ASTL: variants seen among roughly 807,000 people sequenced by gnomAD.
The protein encoded by ASTL is astacin like metalloendopeptidase, also known as astacin-like metalloendopeptidase.
ASTL carries 27 observed loss-of-function variants against 36.7 expected under a neutral mutation model. That is an observed-to-expected ratio of 0.73 (90% CI 0.54 to 1.01). ASTL has a LOEUF of 1.01. Ranked by LOEUF, ASTL falls within the 50% of genes least tolerant of loss-of-function variation. The pLI is 0.00. For missense variants in ASTL, 524 were observed against 572.8 expected (o/e 0.91, Z 0.87); for synonymous variants, 222 against 228.1 (o/e 0.97, Z 0.24).
rs145550482 is a variant in ASTL, at chr2:96,129,832, C to T, written c.866G>A (p.Arg289His). 4.3e-5 allele frequency: 66 copies of T among 1,551,288 alleles called. No homozygotes were observed. The highest frequency in any genetic ancestry group is 5.2e-5 in the Non-Finnish European group (60 of 1,146,190). ...YGCSPSGPRP[R>H]GRGSHAHSTG... is the part of the protein sequence containing the mutation. ...CCTGCCATGCCACTCACCTCTCCCA[C>T]GGGGCCTGGGGCCACTTGGGCTGCA... Residue 289 changes from arginine (R) to histidine (H), a missense_variant, in exon 8 of 9, where the codon CGT (arginine) becomes CAT (histidine). By Grantham distance (29) the Arg-to-His change is conservative. Coordinates refer to ENST00000342380, the MANE Select transcript of ASTL (RefSeq NM_001002036.4).
intron 6 of ASTL, 70 bp from the exon 7 acceptor site, chr2:96,130,215 T>C (rs533312609): frequency 1.6e-6 from 2 of 1,216,682 alleles, no homozygotes; most frequent in Admixed American, 1.7e-5. Flanking sequence ...AGGCAATGGC[T>C]GGGAGAGTCT....
chr2:96,138,416 G>A lies in ASTL; in HGVS notation c.21C>T (p.Leu7=). MEGVGG[L]WPWVLGLLSL... ...AGAGCAGACCCAGCACCCAAGGCCA[G>A]AGACCCCCTACACCCTCCATGGTAG... The change falls in exon 1 of 9, where the codon CTC becomes CTT. Residue 7 remains leucine (L), a synonymous_variant. Transcript: ENST00000342380. 1.2e-6 allele frequency: 2 copies of A among 1,610,962 alleles called. No individual in the cohort carries two copies. The highest frequency in any genetic ancestry group is 1.7e-6 in the Non-Finnish European group (2 of 1,178,666).
intron 8 of ASTL, among the ~76,000 whole-genome samples, chr2:96,126,212 A>C (rs1682060589): frequency 6.6e-6 from 1 of 152,254 alleles, no homozygotes; most frequent in Non-Finnish European, 1.5e-5. Flanking sequence ...GGACATTATT[A>C]AAAAGTGGGA....
chr2:96,124,166 C>G lies in ASTL; in HGVS notation c.980G>C (p.Gly327Ala). 1 of 1,549,198 alleles carries G rather than the reference C, an allele frequency of 6.5e-7. No homozygotes were observed. Among genetic ancestry groups the G allele is most frequent in the Middle Eastern group, 1.8e-4 (1 of 5,712 alleles). ...AACGGGCTGGCCTCCCGCACTGGAACCACTGGGGTCGGGGCTCCTGGATTC... is the reference window on the plus strand; with the variant it reads ...AACGGGCTGGCCTCCCGCACTGGAAGCACTGGGGTCGGGGCTCCTGGATTC... ...SAESRSPDPSGSSAGGQPVPA... is the reference protein window; with the variant it reads ...SAESRSPDPSASSAGGQPVPA... The change falls in exon 9 of 9, where the codon GGT becomes GCT. Residue 327 changes from glycine (G) to alanine (A), a missense_variant. Physicochemically the swap from Gly to Ala is moderately conservative, Grantham distance 60. Coordinates refer to ENST00000342380, the MANE Select transcript of ASTL (RefSeq NM_001002036.4). This position sits in a 1 kb window ranked among gnomAD's most constrained non-coding sequence, Gnocchi z 4.1.
intron 8 of ASTL, among the ~76,000 whole-genome samples, chr2:96,127,175 A>G (rs10205464): frequency 0.046 from 7,070 of 152,324 alleles, 544 homozygotes; most frequent in African/African-American, 0.16. Flanking sequence ...GGAAATGTCT[A>G]GGCAAATCCG....
intron 8 of ASTL, among the ~76,000 whole-genome samples, chr2:96,125,071 G>A (rs779785278): frequency 6.6e-6 from 1 of 152,152 alleles, no homozygotes; most frequent in Non-Finnish European, 1.5e-5. Flanking sequence ...GAGGTAGCGC[G>A]GCTCTGCAGA....
At position 96,124,633 on chromosome 2, in the gene ASTL, G is replaced by A. The variant is rs141559440; in HGVS notation, c.875-362C>T. Among the ~76,000 whole-genome samples the A allele has an allele frequency of 3.0e-4, 45 of 152,140 alleles. No homozygotes were observed. Among genetic ancestry groups the A allele is most frequent in the Middle Eastern group, 3.4e-3 (1 of 294 alleles). On this transcript the variant is annotated intron_variant, in intron 8 of 8. Transcript: ENST00000342380. The surrounding 1 kb of genome is among the most constrained non-coding windows in gnomAD (Gnocchi z 4.1). ...ATGGCCATACCCTACCACTTGCCCC[G>A]AACCCAAGACCTCCCCTAGAACTGT...
chr2:96,124,220 A>C lies in ASTL; in HGVS notation c.926T>G (p.Leu309Arg). 1.3e-6 allele frequency: 2 copies of C among 1,518,626 alleles called. No individual in the cohort carries two copies. Among genetic ancestry groups the C allele is most frequent in the South Asian group, 2.7e-5 (2 of 75,186 alleles). 94.1% of individuals were successfully genotyped at this position (1,518,626 alleles called of 1,614,324 possible). Residue 309 changes from leucine to arginine, a missense_variant, in exon 9 of 9, where the codon CTG (leucine) becomes CGG (arginine). By Grantham distance (102) the Leu-to-Arg change is moderately radical. Coordinates refer to ENST00000342380, the MANE Select transcript of ASTL (RefSeq NM_001002036.4). This position sits in a 1 kb window ranked among gnomAD's most constrained non-coding sequence, Gnocchi z 4.1. ...CGACAGTGCCTCCAAAAGCCGCTGC[A>C]GAGATAGGGAGGCCGGAGCGGGGCT... ...GRSPAPASLS[L>R]QRLLEALSAE...
intron 5 of ASTL, among the ~76,000 whole-genome samples, 186 bp downstream of exon 5, chr2:96,133,239 C>T (rs1414618331): frequency 1.3e-5 from 2 of 152,110 alleles, no homozygotes; most frequent in African/African-American, 4.8e-5. Flanking sequence ...GGGTCTAGCA[C>T]CGTTCCCATC....
intron 2 of ASTL, among the ~76,000 whole-genome samples, chr2:96,135,902 T>C (rs904446675): frequency 8.5e-5 from 13 of 152,212 alleles, no homozygotes; most frequent in Non-Finnish European, 2.9e-5. Context: ...TCTTCCAGCC[T>C]GAGCCACACT....
At chr2:96,130,442 TCTGCATAAGCCACAG>T (rs1682152169) in intron 6 of ASTL, among the ~76,000 whole-genome samples, 1 of 152,198 alleles carries the variant, frequency 6.6e-6, no homozygotes, top group Non-Finnish European at 1.5e-5. Context: ...GGGGCTGGTC[TCTGCATAAGCCACAG>T]CTGCCACGGG....
intron 3 of ASTL, among the ~76,000 whole-genome samples, 154 bp from the exon 4 acceptor site, chr2:96,134,212 C>T (rs1266562488): frequency 6.6e-6 from 1 of 152,196 alleles, no homozygotes; most frequent in East Asian, 1.9e-4. Context: ...TGGGACAGAG[C>T]TGTGGAAGGC....
chr2:96,132,671 G>T lies in ASTL; in HGVS notation c.506C>A (p.Ala169Glu), dbSNP rs138165928. 17 of 1,613,026 alleles carry T rather than the reference G, an allele frequency of 1.1e-5. No homozygotes were observed. Among genetic ancestry groups the T allele is most frequent in the Non-Finnish European group, 1.3e-5 (15 of 1,179,486 alleles). ...CCGGCCCTTCTGGAGACACGTGGGC[G>T]CCAGGGAGACCACCTGCATCCCTCC... ...RSGGMQVVSL[A>E]PTCLQKGRGI... Residue 169 changes from alanine to glutamate, a missense_variant, in exon 6 of 9, where the codon GCG becomes GAG. By Grantham distance (107) the Ala-to-Glu change is moderately radical. Coordinates refer to ENST00000342380, the MANE Select transcript of ASTL (RefSeq NM_001002036.4). This position sits in a 1 kb window ranked among gnomAD's most constrained non-coding sequence, Gnocchi z 5.4.
At position 96,129,900 on chromosome 2, in the gene ASTL, G is replaced by A; in HGVS notation, c.798C>T (p.Asn266=). Residue 266 remains asparagine (N), a synonymous_variant, in exon 8 of 9, where the codon AAC becomes AAT. Transcript: ENST00000342380. Reference sequence around the variant, plus strand: ...CCCGGGTGATGTCCGAGGCACTCAGGTTCCATCGCTGGCCGATGTGGACAC... The same window carrying A: ...CCCGGGTGATGTCCGAGGCACTCAGATTCCATCGCTGGCCGATGTGGACAC... ...APSVHIGQRW[N]LSASDITRVL... is the part of the protein sequence containing the mutation. The A allele has an allele frequency of 6.2e-7, 1 of 1,606,008 alleles. No homozygotes were observed. Among genetic ancestry groups the A allele is most frequent in the Middle Eastern group, 1.9e-4 (1 of 5,370 alleles).
At chr2:96,125,814 C>T (rs1682052193) in intron 8 of ASTL, among the ~76,000 whole-genome samples, 1 of 152,170 alleles carries the variant, frequency 6.6e-6, no homozygotes, top group Non-Finnish European at 1.5e-5. Context: ...TGGTGGTGCT[C>T]ACCTCTAATC....
At chr2:96,136,600 G>A (rs1284135513) in intron 2 of ASTL, among the ~76,000 whole-genome samples, 2 of 152,202 alleles carry the variant, frequency 1.3e-5, no homozygotes, top group Non-Finnish European at 2.9e-5. Flanking sequence ...AGCTGGCGCT[G>A]GGCTCCCAAG....
At chr2:96,138,275 A>C in intron 1 of ASTL, 107 bp downstream of exon 1, 4 of 1,047,612 alleles carry the variant, frequency 3.8e-6, no homozygotes, top group Non-Finnish European at 5.8e-6. Flanking sequence ...GCTCTGAGCT[A>C]CTGAGCTCAG....
chr2:96,138,559 C>G (rs1445686497), upstream of ASTL: 3 of 831,186 alleles, frequency 3.6e-6, no homozygotes, highest in Non-Finnish European at 6.0e-6. Flanking sequence ...CCACCTTGCT[C>G]CCCTCAACCG....
In ASTL at chr2:96,132,418, A is replaced by T; in HGVS notation, c.637+122T>A. 1 of 883,886 alleles carries T rather than the reference A, an allele frequency of 1.1e-6. No individual in the cohort carries two copies. 54.8% of individuals were successfully genotyped at this position (883,886 alleles called of 1,614,324 possible). On this transcript the variant is annotated intron_variant, in intron 6 of 8. Transcript: ENST00000342380. The surrounding 1 kb of genome is among the most constrained non-coding windows in gnomAD (Gnocchi z 5.4). ...CAGAAGTGAGACCCCCACCTTCCCC[A>T]CAGGAAGCAGGCAGGTGATGGGGAG...
Sources: gnomAD v4.1 joint callset for allele counts (sites outside exome capture counted in the v4.1 genomes callset) on GRCh38, gnomAD v4.1.1 for gene constraint, Gnocchi (gnomAD v3.1) non-coding constraint, MANE v1.5 for transcripts, NCBI Gene and HGNC (gene_info 2026-07-23, HGNC 2026-07-21) for gene names.